Variants in NREP observed in about 807,000 individuals in gnomAD.
The protein encoded by NREP is neuronal regeneration-related protein.
A neutral mutation model predicts 8.6 loss-of-function variants in NREP; 5 were observed. The ratio of observed to expected loss-of-function variants is 0.58; its 90% CI spans 0.30 to 1.22. The LOEUF is 1.22. NREP is among the 50% of genes most tolerant of loss of function. The pLI is 0.07. For synonymous variants in NREP, 27 were observed against 28.0 expected (o/e 0.96, Z 0.11); for missense variants, 86 against 82.5 (o/e 1.04, Z -0.17).
chr5:111,742,141 G>A (rs1016845501), intron 2 of NREP, among the ~76,000 whole-genome samples: 2 of 152,098 alleles, frequency 1.3e-5, no homozygotes, highest in African/African-American at 2.4e-5. Context: ...TTCCCACTAC[G>A]GGCACAGAAA....
intron 2 of NREP, among the ~76,000 whole-genome samples, chr5:111,885,840 T>G (rs1166113237): frequency 2.6e-5 from 4 of 152,148 alleles, no homozygotes; most frequent in African/African-American, 9.7e-5. Flanking sequence ...ATTAAAGACT[T>G]AAACTTTAGA....
At chr5:111,741,750 T>C (rs1419287896) in intron 2 of NREP, among the ~76,000 whole-genome samples, 1 of 151,832 alleles carries the variant, frequency 6.6e-6, no homozygotes, top group Admixed American at 6.6e-5. Flanking sequence ...ATAAAAGTGC[T>C]GGGGCTTAGG....
intron 2 of NREP, among the ~76,000 whole-genome samples, chr5:111,910,472 A>G (rs1754881900): frequency 6.6e-6 from 1 of 152,060 alleles, no homozygotes; most frequent in South Asian, 2.1e-4. Context: ...AAAAGGCCTT[A>G]AGAATGGAAT....
At chr5:111,875,340 T>C (rs1753879308) in intron 2 of NREP, among the ~76,000 whole-genome samples, 2 of 152,114 alleles carry the variant, frequency 1.3e-5, no homozygotes, top group South Asian at 4.1e-4. Context: ...TTACCAGATC[T>C]GGAGTTATCA....
intron 2 of NREP, among the ~76,000 whole-genome samples, chr5:111,799,930 GT>G: frequency 6.6e-6 from 1 of 151,996 alleles, no homozygotes; most frequent in South Asian, 2.1e-4. Context: ...TGTAATTTTT[GT>G]TTTTTTGAGA....
chr5:111,961,369 A>G (rs1211137535), intron 2 of NREP, among the ~76,000 whole-genome samples: 4 of 152,242 alleles, frequency 2.6e-5, no homozygotes, highest in Non-Finnish European at 1.5e-5. Flanking sequence ...ATTCTTGTCC[A>G]AAAAGAAGCA....
rs114346566 is a variant in NREP at position 111,869,184 on chromosome 5, A to G, written c.135+106090T>C. 4.1e-3 allele frequency among the ~76,000 whole-genome samples: 631 copies of G among 152,314 alleles called. 3 individuals are homozygous for G. Among genetic ancestry groups the G allele is most frequent in the African/African-American group, 0.014 (580 of 41,574 alleles). ...GTCTCATACAGATATAGAAGTAGAT[A>G]TAGAATCTCCACACTCACACTAGTT... On this transcript the variant is annotated intron_variant, in intron 2 of 3. Transcript: ENST00000395634.
At chr5:111,935,100 T>C (rs1443378655) in intron 2 of NREP, among the ~76,000 whole-genome samples, 2 of 152,134 alleles carry the variant, frequency 1.3e-5, no homozygotes, top group Admixed American at 1.3e-4. Flanking sequence ...AGATATACAG[T>C]ACTTTTGAAA....
At chr5:111,964,714 A>G (rs1469536906) in intron 2 of NREP, among the ~76,000 whole-genome samples, 2 of 151,988 alleles carry the variant, frequency 1.3e-5, no homozygotes, top group Non-Finnish European at 1.5e-5. Flanking sequence ...GTTTGGCTCT[A>G]TTATAAAAAA....
chr5:111,881,967 A>G (rs1234137638), intron 2 of NREP, among the ~76,000 whole-genome samples: 1 of 152,262 alleles, frequency 6.6e-6, no homozygotes, highest in African/African-American at 2.4e-5. Flanking sequence ...GCAACGGAAC[A>G]AAGCTGGACA....
At position 111,730,981 on chromosome 5, in the gene NREP, C is replaced by T. The variant is rs1480380973; in HGVS notation, c.147G>A (p.Leu49=). ...KKNDETNAAS[L]TPLGSSELRS... ...GGAGTTCACTGCTGCCCAGTGGAGT[C>T]AGGGAGGCAGCGTTTGTCTCATCGT... Residue 49 remains leucine (L), a synonymous_variant, in exon 4 of 4, where the codon CTG becomes CTA. Coordinates refer to ENST00000257435, the MANE Select transcript of NREP (RefSeq NM_004772.4). The T allele has an allele frequency of 6.2e-7, 1 of 1,613,792 alleles. No homozygotes were observed. The highest frequency in any genetic ancestry group is 8.5e-7 in the Non-Finnish European group (1 of 1,179,848).
chr5:111,952,351 C>G (rs887380731), intron 2 of NREP, among the ~76,000 whole-genome samples: 5 of 152,100 alleles, frequency 3.3e-5, no homozygotes, highest in Non-Finnish European at 7.4e-5. Context: ...GGGTGATGTT[C>G]CCTGTCAAGG....
At chr5:111,839,423 G>A (rs531477420) in intron 2 of NREP, among the ~76,000 whole-genome samples, 1 of 152,190 alleles carries the variant, frequency 6.6e-6, no homozygotes, top group East Asian at 1.9e-4. Context: ...GCCTCAGAAT[G>A]CTGACTCTGA....
chr5:111,900,609 A>G (rs1359008402), intron 2 of NREP, among the ~76,000 whole-genome samples: 1 of 152,128 alleles, frequency 6.6e-6, no homozygotes, highest in African/African-American at 2.4e-5. Context: ...AATACAAAAG[A>G]TCACCAGGGA....
At chr5:111,885,187 A>G (rs1297206621) in intron 2 of NREP, among the ~76,000 whole-genome samples, 2 of 151,750 alleles carry the variant, frequency 1.3e-5, no homozygotes, top group Non-Finnish European at 2.9e-5. Context: ...AATAACAGAC[A>G]AACAGAGAGC....
chr5:111,818,149 A>C (rs1752435744), intron 2 of NREP, among the ~76,000 whole-genome samples: 1 of 152,218 alleles, frequency 6.6e-6, no homozygotes. Context: ...GTAGAAAAAC[A>C]TTAAATAATT....
chr5:111,926,389 G>C (rs1339735170), intron 2 of NREP, among the ~76,000 whole-genome samples: 1 of 152,050 alleles, frequency 6.6e-6, no homozygotes, highest in Non-Finnish European at 1.5e-5. Flanking sequence ...TCCAGATATG[G>C]CTGCTAAAAG....
At chr5:111,751,450 T>C (rs1437438141) in intron 2 of NREP, among the ~76,000 whole-genome samples, 2 of 152,204 alleles carry the variant, frequency 1.3e-5, no homozygotes, top group African/African-American at 4.8e-5. Context: ...ACAAAATATA[T>C]TCAGAAAAAT....
chr5:111,742,619 A>C (rs1749752920), intron 2 of NREP, among the ~76,000 whole-genome samples: 1 of 152,048 alleles, frequency 6.6e-6, no homozygotes, highest in Non-Finnish European at 1.5e-5. Flanking sequence ...GGTTAACAGA[A>C]TTACCCGACT....
Sources: gnomAD v4.1 joint callset for allele counts (sites outside exome capture counted in the v4.1 genomes callset) on GRCh38, gnomAD v4.1.1 for gene constraint, MANE v1.5 for transcripts, NCBI Gene and HGNC (gene_info 2026-07-23, HGNC 2026-07-21) for gene names.